EDNRA: variants seen among roughly 807,000 people sequenced by gnomAD.
EDNRA encodes the protein endothelin-1 receptor.
In EDNRA, 11 loss-of-function variants were observed where a neutral mutation model predicts 41.4. The observed-to-expected ratio is 0.27, with a 90% CI of 0.17 to 0.44. The LOEUF is 0.44. Ranked by LOEUF, EDNRA falls within the 20% of genes least tolerant of loss-of-function variation. The pLI, the probability that EDNRA is intolerant of heterozygous loss-of-function variation, is 1.00. For synonymous variants in EDNRA, 172 were observed against 183.0 expected, an observed-to-expected ratio of 0.94 and a Z score of 0.49; for missense variants, 294 against 531.0, an observed-to-expected ratio of 0.55 and a Z score of 4.39.
At chr4:147,502,622 TC>T (rs10305884) in intron 2 of EDNRA, among the ~76,000 whole-genome samples, 57,779 of 151,974 alleles carry the variant, frequency 0.38, 11,719 homozygotes, top group African/African-American at 0.54. Context: ...CCATCCAGTT[TC>T]CAACTCCCAT....
In EDNRA at chr4:147,519,996, C is replaced by T. The variant is rs201625735; in HGVS notation, c.548+18C>T. On this transcript the variant is annotated intron_variant, in intron 3 of 7. Coordinates refer to ENST00000651419, the MANE Select transcript of EDNRA (RefSeq NM_001957.4). This position sits in a 1 kb window ranked among gnomAD's most constrained non-coding sequence, Gnocchi z 4.1. ...GTTGACAGGTAATGTGGTTCTTTCCCTTTGCTCTTTGGCTGGGCTTAGAAA... is the reference window on the plus strand; with the variant it reads ...GTTGACAGGTAATGTGGTTCTTTCCTTTTGCTCTTTGGCTGGGCTTAGAAA... 36 of 1,593,286 alleles carry T rather than the reference C, an allele frequency of 2.3e-5. No homozygotes were observed. The highest frequency in any genetic ancestry group is 3.1e-5 in the Non-Finnish European group (36 of 1,170,704).
intron 2 of EDNRA, among the ~76,000 whole-genome samples, chr4:147,500,693 GA>G (rs1011441368): frequency 3.4e-5 from 5 of 147,534 alleles, no homozygotes; most frequent in East Asian, 2.0e-4. Flanking sequence ...AGCTTGGAAG[GA>G]AAAAAAAATG....
intron 4 of EDNRA, among the ~76,000 whole-genome samples, chr4:147,533,854 A>G (rs1730831376): frequency 6.6e-6 from 1 of 152,200 alleles, no homozygotes. Context: ...TCTCCTATCT[A>G]GACGTGTTCA....
At chr4:147,511,373 A>G (rs1729916714) in intron 2 of EDNRA, among the ~76,000 whole-genome samples, 1 of 152,208 alleles carries the variant, frequency 6.6e-6, no homozygotes, top group African/African-American at 2.4e-5. Flanking sequence ...AATCTTATTT[A>G]CTATCAAGTC....
rs1035759274 is a variant in EDNRA at position 147,519,053 on chromosome 4, T to G, written c.421-798T>G. ...TCCACTCTTGCCTTGCAAACAAGGT[T>G]GGAAATTGTCAACATGGAAGAACAG... On this transcript the variant is annotated intron_variant, in intron 2 of 7. Coordinates refer to ENST00000651419, the MANE Select transcript of EDNRA (RefSeq NM_001957.4). This position sits in a 1 kb window ranked among gnomAD's most constrained non-coding sequence, Gnocchi z 4.1. Among the ~76,000 whole-genome samples, 4 of 152,206 alleles carry G rather than the reference T, an allele frequency of 2.6e-5. No homozygotes were observed. The highest frequency in any genetic ancestry group is 5.9e-5 in the Non-Finnish European group (4 of 68,028).
Position 147,536,043 on chromosome 4 carries a change from C to T in EDNRA, c.900+14C>T, listed in dbSNP as rs1730908195. ...CATCTTAAGCAGGTAAATCCCATAA[C>T]ATCATGAAAATCTGGCCAGGACTGG... On this transcript the variant is annotated intron_variant, in intron 5 of 7. Coordinates refer to ENST00000651419, the MANE Select transcript of EDNRA (RefSeq NM_001957.4). 1 of 1,613,702 alleles carries T rather than the reference C, an allele frequency of 6.2e-7. No homozygotes were observed. The highest frequency in any genetic ancestry group is 8.5e-7 in the Non-Finnish European group (1 of 1,179,812).
At chr4:147,498,282 T>C (rs535200716) in intron 2 of EDNRA, among the ~76,000 whole-genome samples, 5 of 152,334 alleles carry the variant, frequency 3.3e-5, no homozygotes, top group African/African-American at 1.2e-4. Flanking sequence ...GGGAAATAGC[T>C]TCACGGTAAT....
At chr4:147,492,215 T>G (rs1039263746) in intron 2 of EDNRA, 1 of 152,256 alleles carries the variant, frequency 6.6e-6, no homozygotes, top group Non-Finnish European at 1.5e-5. Context: ...TTGGCCTGTC[T>G]GCAAGTTCCT....
At chr4:147,516,828 C>T (rs1730132047) in intron 2 of EDNRA, among the ~76,000 whole-genome samples, 1 of 152,064 alleles carries the variant, frequency 6.6e-6, no homozygotes, top group Non-Finnish European at 1.5e-5. Flanking sequence ...TAAACAGTTA[C>T]TTATTTATTC....
At chr4:147,540,169 G>A (rs1004600945) in intron 6 of EDNRA, among the ~76,000 whole-genome samples, 5 of 152,090 alleles carry the variant, frequency 3.3e-5, no homozygotes, top group African/African-American at 1.2e-4. Flanking sequence ...GTGCATAAGG[G>A]TTTGAGCTAA....
At chr4:147,524,900 A>T in intron 3 of EDNRA, among the ~76,000 whole-genome samples, 1 of 152,156 alleles carries the variant, frequency 6.6e-6, no homozygotes, top group East Asian at 1.9e-4. Flanking sequence ...ACTACTACAA[A>T]AAAAAATAAA....
chr4:147,493,020 GATGGAAACCGTCC>G (rs1461344118), intron 2 of EDNRA: 2 of 152,128 alleles, frequency 1.3e-5, no homozygotes, highest in African/African-American at 2.4e-5. Flanking sequence ...AGTGATGGGG[GATGGAAACCGTCC>G]ATCACTGCAA....
chr4:147,492,864 C>T (rs1729185668), intron 2 of EDNRA: 1 of 152,140 alleles, frequency 6.6e-6, no homozygotes, highest in South Asian at 2.1e-4. Flanking sequence ...GAACCCTGTC[C>T]AGCTCTACCT....
intron 3 of EDNRA, among the ~76,000 whole-genome samples, chr4:147,528,577 G>A (rs911569761): frequency 2.0e-5 from 3 of 151,896 alleles, no homozygotes; most frequent in African/African-American, 4.8e-5. Context: ...TCAAGCGATC[G>A]CCCCCCTCAG....
Position 147,535,857 on chromosome 4 carries a change from T to C in EDNRA, c.748-20T>C, listed in dbSNP as rs13306320. The C allele has an allele frequency of 6.3e-7, 1 of 1,599,506 alleles. No homozygotes were observed. Among genetic ancestry groups the C allele is most frequent in the Non-Finnish European group, 8.5e-7 (1 of 1,172,718 alleles). On this transcript the variant is annotated intron_variant, in intron 4 of 7. Coordinates refer to ENST00000651419, the MANE Select transcript of EDNRA (RefSeq NM_001957.4). ...TGACTCTGCTCCTCCTTTTCTCTTT[T>C]TTTTTTTTTCACTTTGAAGTTCTAC... is the stretch of plus-strand genomic sequence containing the variant.
At chr4:147,510,753 T>C (rs938338351) in intron 2 of EDNRA, among the ~76,000 whole-genome samples, 4 of 152,216 alleles carry the variant, frequency 2.6e-5, no homozygotes, top group African/African-American at 9.6e-5. Flanking sequence ...CTCCAAGTTC[T>C]GACATCCTTA....
At chr4:147,537,136 A>G (rs1197569789) in intron 5 of EDNRA, among the ~76,000 whole-genome samples, 1 of 152,218 alleles carries the variant, frequency 6.6e-6, no homozygotes, top group African/African-American at 2.4e-5. Flanking sequence ...CTATATAATT[A>G]CCATGTGCAA....
intron 2 of EDNRA, among the ~76,000 whole-genome samples, chr4:147,516,081 C>T (rs1730105050): frequency 1.3e-5 from 2 of 152,170 alleles, no homozygotes; most frequent in South Asian, 4.1e-4. Context: ...AGAACAAAGA[C>T]ATGTAAAATC....
intron 2 of EDNRA, chr4:147,506,689 TAA>T (rs1414723697): frequency 6.1e-6 from 2 of 328,920 alleles, no homozygotes; most frequent in Non-Finnish European, 1.2e-5. Context: ...CTTCAGAATG[TAA>T]AAGAGATCCA....
Sources: gnomAD v4.1 joint callset for allele counts (sites outside exome capture counted in the v4.1 genomes callset) on GRCh38, gnomAD v4.1.1 for gene constraint, Gnocchi (gnomAD v3.1) non-coding constraint, MANE v1.5 for transcripts, NCBI Gene and HGNC (gene_info 2026-07-23, HGNC 2026-07-21) for gene names.